DCUN1D2: variants seen among roughly 807,000 people sequenced by gnomAD.
DCUN1D2 encodes defective in cullin neddylation 1 domain containing 2, also known as DCN1-like protein 2.
Under a neutral mutation model 30.9 loss-of-function variants are expected in DCUN1D2, and 29 were observed. The observed-to-expected ratio is 0.94, with a 90% confidence interval of 0.70 to 1.28. The LOEUF (loss-of-function observed/expected upper bound fraction) is 1.28, where lower values mean the gene tolerates loss of function less well. DCUN1D2 is among the 50% of genes most tolerant of loss of function. The pLI, the probability that DCUN1D2 is intolerant of heterozygous loss-of-function variation, is 0.00. For missense variants in DCUN1D2, 325 were observed against 316.9 expected (o/e 1.03, Z -0.19); for synonymous variants, 121 against 115.3 (o/e 1.05, Z -0.32).
chr13:113,477,891 C>CA (rs1484918058), intron 3 of DCUN1D2, among the ~76,000 whole-genome samples: 1 of 152,048 alleles, frequency 6.6e-6, no homozygotes, highest in Non-Finnish European at 1.5e-5. Flanking sequence ...CTGGGCTTAT[C>CA]GTCTTGGGTT....
upstream of DCUN1D2, among the ~76,000 whole-genome samples, chr13:113,491,519 CCTCT>C (rs1327669277): frequency 1.3e-4 from 20 of 150,500 alleles, no homozygotes; most frequent in Admixed American, 4.6e-4. Flanking sequence ...GGGCTCCCCT[CCTCT>C]CTCTCCCTCC....
chr13:113,481,717 C>G (rs994246261), intron 2 of DCUN1D2, among the ~76,000 whole-genome samples: 4 of 152,216 alleles, frequency 2.6e-5, no homozygotes, highest in African/African-American at 9.6e-5. Context: ...AACCCCGTCT[C>G]TACTAAAAAT....
At chr13:113,481,741 G>A (rs971363294) in intron 2 of DCUN1D2, among the ~76,000 whole-genome samples, 1 of 152,074 alleles carries the variant, frequency 6.6e-6, no homozygotes, top group Admixed American at 6.6e-5. Flanking sequence ...AAAATTAACT[G>A]GGCGGGGTGG....
rs1487951052 is a variant in DCUN1D2, at chr13:113,457,677, C to T, written c.*352G>A. Reference sequence around the variant, plus strand: ...CGTCATTCGGCGGGACGCTGCCGGACGCTGGTTCGCCTGACGCGCGAGCTA... The same window carrying T: ...CGTCATTCGGCGGGACGCTGCCGGATGCTGGTTCGCCTGACGCGCGAGCTA... On this transcript the variant is annotated 3_prime_UTR_variant, in exon 7 of 7. Coordinates refer to ENST00000478244, the MANE Select transcript of DCUN1D2 (RefSeq NM_001014283.2). 11 of 170,150 alleles carry T rather than the reference C, an allele frequency of 6.5e-5. No homozygotes were observed. The highest frequency in any genetic ancestry group is 1.5e-4 in the East Asian group (1 of 6,486). 10.5% of individuals were successfully genotyped at this position (170,150 alleles called of 1,614,324 possible).
rs115874802 is a variant in DCUN1D2 at position 113,483,042 on chromosome 13, C to T, written c.220+798G>A. 3.0e-3 allele frequency among the ~76,000 whole-genome samples: 451 copies of T among 152,326 alleles called. 5 individuals are homozygous for T. The highest frequency in any genetic ancestry group is 0.01 in the African/African-American group (426 of 41,576). On this transcript the variant is annotated intron_variant, in intron 2 of 6. Coordinates refer to ENST00000478244, the MANE Select transcript of DCUN1D2 (RefSeq NM_001014283.2). ...GGCTAACACTTGTTTAAATGAGAGT[C>T]AGGGCTTGGTTTTGTTTTAAAGTTT...
rs1428996426 is a variant in DCUN1D2 at position 113,459,461 on chromosome 13, C to T, written c.604-53G>A. The T allele has an allele frequency of 3.7e-6, 3 of 818,008 alleles. No homozygotes were observed. The East Asian group carries it at 7.3e-5, about 20-fold the overall frequency. 50.7% of individuals were successfully genotyped at this position (818,008 alleles called of 1,614,324 possible). On this transcript the variant is annotated intron_variant, in intron 5 of 6. Coordinates refer to ENST00000478244, the MANE Select transcript of DCUN1D2 (RefSeq NM_001014283.2). Reference sequence around the variant, plus strand: ...ACCAGGTTTAAAATACAGAGCTTAACTCTCATATATTCTAGTGGCCTAGCG... The same window carrying T: ...ACCAGGTTTAAAATACAGAGCTTAATTCTCATATATTCTAGTGGCCTAGCG...
At chr13:113,458,259 G>A (rs1328117273) in intron 6 of DCUN1D2, 151 bp from the exon 7 acceptor site, 1 of 726,650 alleles carries the variant, frequency 1.4e-6, no homozygotes, top group East Asian at 2.6e-5. Context: ...ACCAGCCCAA[G>A]TTACCCAGTT....
Position 113,488,181 on chromosome 13 carries a change from C to A in DCUN1D2, c.3+2486G>T, listed in dbSNP as rs1470771389. ...ACTGTTAGCTAGAGTGGACAGAAGT[C>A]GGTATCCAGAAACACGAAGAGCCCC... On this transcript the variant is annotated intron_variant, in intron 1 of 6. Coordinates refer to ENST00000478244, the MANE Select transcript of DCUN1D2 (RefSeq NM_001014283.2). The surrounding 1 kb of genome is among the most constrained non-coding windows in gnomAD (Gnocchi z 4.3). Among the ~76,000 whole-genome samples, 1 of 152,172 alleles carries A rather than the reference C, an allele frequency of 6.6e-6. No homozygotes were observed. Among genetic ancestry groups the A allele is most frequent in the Non-Finnish European group, 1.5e-5 (1 of 68,026 alleles).
At position 113,458,207 on chromosome 13, in the gene DCUN1D2, C is replaced by T. The variant is rs1165914068; in HGVS notation, c.701-99G>A. 6.9e-6 allele frequency: 7 copies of T among 1,019,712 alleles called. No homozygotes were observed. In the Admixed American group the frequency reaches 8.9e-5, roughly 13 times the overall value. The allele number at this position is 1,019,712 out of a possible 1,614,324, so 63.2% of individuals were successfully genotyped here. ...ATCCAACATTTACACTTCAAGAACC[C>T]AAATGACTTGAGGTCCACACCATTT... On this transcript the variant is annotated intron_variant, in intron 6 of 6. Coordinates refer to ENST00000478244, the MANE Select transcript of DCUN1D2 (RefSeq NM_001014283.2).
chr13:113,474,584 A>G (rs765765157), intron 3 of DCUN1D2, among the ~76,000 whole-genome samples: 8 of 152,226 alleles, frequency 5.3e-5, no homozygotes, highest in Admixed American at 2.6e-4. Flanking sequence ...TAAAATTATT[A>G]AAAGAAAAAC....
intron 4 of DCUN1D2, among the ~76,000 whole-genome samples, chr13:113,470,506 T>C (rs2044483666): frequency 6.6e-6 from 1 of 152,128 alleles, no homozygotes; most frequent in Non-Finnish European, 1.5e-5. Context: ...TGCCGAAGAC[T>C]TAACTCCACA....
At position 113,488,977 on chromosome 13, in the gene DCUN1D2, CA is replaced by C. The variant is rs1566509879; in HGVS notation, c.3+1689del. The C allele has an allele frequency of 3.2e-6, 1 of 309,160 alleles. No homozygotes were observed. The highest frequency in any genetic ancestry group is 4.7e-6 in the Non-Finnish European group (1 of 211,642). The allele number at this position is 309,160 out of a possible 1,614,324, so 19.2% of individuals were successfully genotyped here. On this transcript the variant is annotated intron_variant, in intron 1 of 6. Coordinates refer to ENST00000478244, the MANE Select transcript of DCUN1D2 (RefSeq NM_001014283.2). The surrounding 1 kb of genome is among the most constrained non-coding windows in gnomAD (Gnocchi z 4.3). ...AAATCTCTAAACTATAAAAAAGTCT[CA>C]AACACTTTAATTGTGACCTTGTGAA...
chr13:113,468,609 T>A (rs942704998), intron 4 of DCUN1D2, among the ~76,000 whole-genome samples: 3 of 151,872 alleles, frequency 2.0e-5, no homozygotes, highest in Non-Finnish European at 4.4e-5. Flanking sequence ...CCACGCTCCA[T>A]CAACCTCTCC....
At chr13:113,466,626 C>T (rs985183247) in intron 4 of DCUN1D2, among the ~76,000 whole-genome samples, 1 of 152,104 alleles carries the variant, frequency 6.6e-6, no homozygotes, top group Non-Finnish European at 1.5e-5. Flanking sequence ...GTGAAGTCTG[C>T]AGACCAAGAG....
rs1012805445 is a variant in DCUN1D2, at chr13:113,457,833, C to A, written c.*196G>T. The A allele has an allele frequency of 1.7e-6, 1 of 601,912 alleles. No homozygotes were observed. The allele number at this position is 601,912 out of a possible 1,614,324, so 37.3% of individuals were successfully genotyped here. A position where few individuals can be genotyped will look rare whatever the true frequency, so the allele number is the denominator to read the frequency against. ...CAAATCTCCAAACATCCCAAAGCAG[C>A]CGTGTCCCGAGGAACTTCCTGCGGT... On this transcript the variant is annotated 3_prime_UTR_variant, in exon 7 of 7. Coordinates refer to ENST00000478244, the MANE Select transcript of DCUN1D2 (RefSeq NM_001014283.2).
At chr13:113,466,176 G>C (rs1595570870) in intron 4 of DCUN1D2, among the ~76,000 whole-genome samples, 1 of 152,122 alleles carries the variant, frequency 6.6e-6, no homozygotes, top group East Asian at 1.9e-4. Flanking sequence ...CACTCGGCCT[G>C]CTTGTTAGTT....
intron 4 of DCUN1D2, among the ~76,000 whole-genome samples, chr13:113,464,834 T>G (rs2044375540): frequency 6.6e-6 from 1 of 152,260 alleles, no homozygotes; most frequent in African/African-American, 2.4e-5. Flanking sequence ...TTGAGGTGTT[T>G]GCTGCGCAGT....
At chr13:113,461,629 G>A (rs948820518) in intron 4 of DCUN1D2, among the ~76,000 whole-genome samples, 1 of 152,232 alleles carries the variant, frequency 6.6e-6, no homozygotes, top group Non-Finnish European at 1.5e-5. Context: ...GCGGCCTTAT[G>A]AGGGCTCCAA....
At chr13:113,482,937 G>A (rs927251957) in intron 2 of DCUN1D2, among the ~76,000 whole-genome samples, 1 of 152,060 alleles carries the variant, frequency 6.6e-6, no homozygotes, top group Non-Finnish European at 1.5e-5. Context: ...GCAAGACTCC[G>A]TCACATAAAC....
Sources: allele counts gnomAD v4.1 joint callset (sites outside exome capture counted in the v4.1 genomes callset), GRCh38; gene constraint gnomAD v4.1.1; non-coding constraint Gnocchi (gnomAD v3.1); transcripts MANE v1.5; gene names NCBI Gene and HGNC (gene_info 2026-07-23, HGNC 2026-07-21).